Variants in ARHGAP17 observed in about 807,000 individuals in gnomAD.
ARHGAP17 encodes rho GTPase-activating protein 17.
Under a neutral mutation model 99.5 loss-of-function variants are expected in ARHGAP17, and 57 were observed. That is an observed-to-expected ratio of 0.57 (90% CI 0.46 to 0.71). The LOEUF is 0.71. ARHGAP17 is among the 30% of genes least tolerant of loss of function. The pLI is 0.00. For missense variants in ARHGAP17, 1,000 were observed against 1,122.4 expected, an observed-to-expected ratio of 0.89 and a Z score of 1.56; for synonymous variants, 417 against 429.6, an observed-to-expected ratio of 0.97 and a Z score of 0.36.
At chr16:24,937,132 C>A (rs570955853) in intron 17 of ARHGAP17, among the ~76,000 whole-genome samples, 5,520 of 136,644 alleles carry the variant, frequency 0.04, 321 homozygotes, top group African/African-American at 0.15. Flanking sequence ...AAAAAAACAA[C>A]AAAAAACAGG....
chr16:24,997,921 G>T (rs1248502316), intron 1 of ARHGAP17, among the ~76,000 whole-genome samples: 2 of 152,162 alleles, frequency 1.3e-5, no homozygotes, highest in Non-Finnish European at 2.9e-5. Flanking sequence ...AAAGACATCT[G>T]GTCCAGAAAC....
intron 3 of ARHGAP17, among the ~76,000 whole-genome samples, chr16:24,971,492 T>C (rs535412150): frequency 6.6e-6 from 1 of 152,190 alleles, no homozygotes; most frequent in East Asian, 1.9e-4. Context: ...TACACCCAGC[T>C]AATTTCTGTA....
Position 24,964,153 on chromosome 16 carries a change from T to C in ARHGAP17, c.573+44A>G, listed in dbSNP as rs751874466. ...CTTACATTTGAACTTTCATCCCTCA[T>C]TTGCAAAAACCGAAAAGATACATTT... On this transcript the variant is annotated intron_variant, in intron 7 of 19. Transcript: ENST00000289968. 6 of 1,360,004 alleles carry C rather than the reference T, an allele frequency of 4.4e-6. No homozygotes were observed. In the African/African-American group the frequency reaches 5.9e-5, roughly 13 times the overall value. 84.2% of individuals were successfully genotyped at this position (1,360,004 alleles called of 1,614,324 possible). A position where few individuals can be genotyped will look rare whatever the true frequency, so the allele number is the denominator to read the frequency against.
chr16:24,970,410 C>A, intron 4 of ARHGAP17, 97 bp downstream of exon 4: 1 of 1,174,926 alleles, frequency 8.5e-7, no homozygotes, highest in Admixed American at 1.8e-5. Context: ...GCCATCAACG[C>A]TCACAGTTCC....
chr16:24,958,203 T>C (rs910172552), intron 9 of ARHGAP17, among the ~76,000 whole-genome samples: 1 of 151,916 alleles, frequency 6.6e-6, no homozygotes, highest in African/African-American at 2.4e-5. Context: ...AGTTCTAGTC[T>C]AGCCTGGGCA....
intron 17 of ARHGAP17, among the ~76,000 whole-genome samples, chr16:24,937,718 G>C (rs1373007547): frequency 1.3e-5 from 2 of 152,142 alleles, no homozygotes; most frequent in East Asian, 3.9e-4. Context: ...GGTGAAACAA[G>C]ATTCCTATCT....
chr16:24,921,146 T>G (rs2050709421), intron 19 of ARHGAP17: 1 of 152,226 alleles, frequency 6.6e-6, no homozygotes, highest in Admixed American at 6.5e-5. Flanking sequence ...CCATTCTACC[T>G]GCTGAGGACG....
intron 2 of ARHGAP17, among the ~76,000 whole-genome samples, chr16:24,978,519 G>A (rs7203856): frequency 0.015 from 2,333 of 152,268 alleles, 69 homozygotes; most frequent in African/African-American, 0.053. Flanking sequence ...GATGTTTCAC[G>A]TCAGAAACAG....
rs181980735 is a variant in ARHGAP17 at position 24,941,492 on chromosome 16, A to G, written c.1490+495T>C. Among the ~76,000 whole-genome samples the G allele has an allele frequency of 2.1e-3, 317 of 152,288 alleles. 1 individual carries two copies. Among genetic ancestry groups the G allele is most frequent in the Non-Finnish European group, 2.8e-3 (189 of 68,016 alleles). ...TTTTTTTTTCTTCTAGAATTGGCAA[A>G]TACTGAGGTTTTTCCCACTGAACAT... On this transcript the variant is annotated intron_variant, in intron 16 of 19. Coordinates refer to ENST00000289968, the MANE Select transcript of ARHGAP17 (RefSeq NM_001006634.3).
Position 24,955,832 on chromosome 16 carries a change from C to T in ARHGAP17, c.725-1102G>A, listed in dbSNP as rs72770494. The T allele has an allele frequency of 7.1e-3, 1,082 of 152,162 alleles. 5 individuals are homozygous for T. The highest frequency in any genetic ancestry group is 0.011 in the Non-Finnish European group (754 of 68,078). 9.4% of individuals were successfully genotyped at this position (152,162 alleles called of 1,614,324 possible). ...ATAAAATCCCACAAATCCATAGAACCGAGAGCTTGTGGAAAGGTAAAAATG... is the reference window on the plus strand; with the variant it reads ...ATAAAATCCCACAAATCCATAGAACTGAGAGCTTGTGGAAAGGTAAAAATG... On this transcript the variant is annotated intron_variant, in intron 9 of 19. Coordinates refer to ENST00000289968, the MANE Select transcript of ARHGAP17 (RefSeq NM_001006634.3). This position sits in a 1 kb window ranked among gnomAD's most constrained non-coding sequence, Gnocchi z 4.0.
At chr16:24,936,770 C>G (rs980594797) in intron 17 of ARHGAP17, 1 of 151,274 alleles carries the variant, frequency 6.6e-6, no homozygotes, top group African/African-American at 2.4e-5. Flanking sequence ...TAATTATTGT[C>G]TTAAATAATA....
At chr16:24,937,715 C>T (rs957506842) in intron 17 of ARHGAP17, among the ~76,000 whole-genome samples, 1 of 152,120 alleles carries the variant, frequency 6.6e-6, no homozygotes, top group Admixed American at 6.5e-5. Context: ...AATGGTGAAA[C>T]AAGATTCCTA....
chr16:24,997,003 CCTATAAAAGGGATAACA>C (rs1032066908), intron 1 of ARHGAP17, among the ~76,000 whole-genome samples: 5 of 152,180 alleles, frequency 3.3e-5, no homozygotes, highest in Non-Finnish European at 7.4e-5. Flanking sequence ...CTGGTTCCCA[CCTATAAAAGGGATAACA>C]CTATACTGAC....
At chr16:24,957,065 T>C (rs909916459) in intron 9 of ARHGAP17, 1 of 152,124 alleles carries the variant, frequency 6.6e-6, no homozygotes, top group African/African-American at 2.4e-5. Context: ...GCCAAGGCCG[T>C]GAGAGCATGG....
chr16:24,928,737 G>A (rs919219522), intron 19 of ARHGAP17, among the ~76,000 whole-genome samples: 2 of 152,184 alleles, frequency 1.3e-5, no homozygotes, highest in African/African-American at 4.8e-5. Context: ...GATTAAAGCA[G>A]CTGTACATAT....
intron 18 of ARHGAP17, among the ~76,000 whole-genome samples, chr16:24,934,864 C>A (rs2152452014): frequency 6.6e-6 from 1 of 152,218 alleles, no homozygotes; most frequent in East Asian, 1.9e-4. Flanking sequence ...TTAGTTCATT[C>A]AAGGAACCAA....
At chr16:24,969,010 G>A (rs1442114442) in intron 4 of ARHGAP17, among the ~76,000 whole-genome samples, 1 of 152,202 alleles carries the variant, frequency 6.6e-6, no homozygotes, top group African/African-American at 2.4e-5. Context: ...AGACAGATGT[G>A]TGAACAGTGA....
intron 1 of ARHGAP17, 103 bp downstream of exon 1, chr16:25,015,106 C>T (rs2053749661): frequency 1.8e-6 from 2 of 1,110,166 alleles, no homozygotes; most frequent in South Asian, 8.5e-5. Flanking sequence ...GGGCTGCGGC[C>T]CAGCTCAGAG....
chr16:24,954,496 C>T (rs1311023998), intron 10 of ARHGAP17, 107 bp downstream of exon 10: 3 of 1,445,436 alleles, frequency 2.1e-6, no homozygotes, highest in Non-Finnish European at 2.8e-6. Flanking sequence ...CGGACAATGG[C>T]TGTATAACTA....
Sources: allele counts gnomAD v4.1 joint callset (sites outside exome capture counted in the v4.1 genomes callset), GRCh38; gene constraint gnomAD v4.1.1; non-coding constraint Gnocchi (gnomAD v3.1); transcripts MANE v1.5; gene names NCBI Gene and HGNC (gene_info 2026-07-23, HGNC 2026-07-21).